Variants in ATP8B1 observed in about 807,000 individuals in gnomAD.
ATP8B1 encodes ATPase phospholipid transporting 8B1, also known as phospholipid-transporting ATPase IC.
In ATP8B1, 80 loss-of-function variants were observed where a neutral mutation model predicts 149.9. The observed-to-expected ratio is 0.53, with a 90% CI of 0.45 to 0.64. ATP8B1 has a LOEUF of 0.64. ATP8B1 is among the 30% of genes least tolerant of loss of function. The pLI is 0.00. For missense variants in ATP8B1, 1,247 were observed against 1,552.6 expected (o/e 0.80, Z 3.31); for synonymous variants, 536 against 562.8 (o/e 0.95, Z 0.67).
chr18:57,731,196 CT>C (rs759678581), intron 2 of ATP8B1, among the ~76,000 whole-genome samples: 16 of 151,900 alleles, frequency 1.1e-4, no homozygotes, highest in Admixed American at 3.9e-4. Flanking sequence ...AGTCCAGCTA[CT>C]CAGGAGGCTG....
At chr18:57,698,325 T>A (rs1292080920) in intron 6 of ATP8B1, among the ~76,000 whole-genome samples, 1 of 151,296 alleles carries the variant, frequency 6.6e-6, no homozygotes, top group South Asian at 2.1e-4. Context: ...CTGTTTAAAT[T>A]ATCTTTATTA....
chr18:57,759,012 C>T (rs1161500557), intron 1 of ATP8B1, among the ~76,000 whole-genome samples: 5 of 151,828 alleles, frequency 3.3e-5, no homozygotes, highest in East Asian at 1.9e-4. Context: ...AAAAATTATC[C>T]GGGCGTGGTG....
chr18:57,667,255 C>A, intron 19 of ATP8B1, 88 bp from the exon 20 acceptor site: 1 of 1,074,080 alleles, frequency 9.3e-7, no homozygotes, highest in Non-Finnish European at 1.4e-6. Flanking sequence ...CTCACTCCCA[C>A]TGCCTAGGCT....
chr18:57,700,940 C>CTAA (rs1234105867), intron 6 of ATP8B1, 99 bp downstream of exon 6: 11 of 1,261,010 alleles, frequency 8.7e-6, no homozygotes, highest in Admixed American at 5.1e-5. Context: ...AGTTAATGTA[C>CTAA]TAATAGCCTT....
intron 22 of ATP8B1, among the ~76,000 whole-genome samples, 168 bp from the exon 23 acceptor site, chr18:57,655,585 C>G (rs1317912096): frequency 1.3e-5 from 2 of 152,234 alleles, no homozygotes; most frequent in African/African-American, 4.8e-5. Flanking sequence ...TTGAACTCAA[C>G]TCAAAGTCTG....
chr18:57,747,839 T>C (rs2079978592), intron 1 of ATP8B1, among the ~76,000 whole-genome samples: 1 of 152,240 alleles, frequency 6.6e-6, no homozygotes, highest in Non-Finnish European at 1.5e-5. Context: ...CAAGTCAGCT[T>C]AGAGTACTCA....
chr18:57,661,484 AG>A, intron 21 of ATP8B1, 22 bp from the exon 22 acceptor site: 1 of 1,612,042 alleles, frequency 6.2e-7, no homozygotes. Context: ...GAGAGGGAAA[AG>A]GTTACATTCA....
chr18:57,719,834 T>C (rs2079623767), intron 2 of ATP8B1, among the ~76,000 whole-genome samples: 1 of 152,204 alleles, frequency 6.6e-6, no homozygotes, highest in Non-Finnish European at 1.5e-5. Context: ...CTCTGCAGAC[T>C]TAAATGTCCC....
Position 57,702,576 on chromosome 18 carries a change from C to T in ATP8B1, c.394-1263G>A, listed in dbSNP as rs1351120620. 2.0e-5 allele frequency among the ~76,000 whole-genome samples: 3 copies of T among 152,046 alleles called. 1 individual carries two copies. In the South Asian group the frequency reaches 6.2e-4, roughly 31 times the overall value. On this transcript the variant is annotated intron_variant, in intron 4 of 27. Transcript: ENST00000648908. The stretch of plus-strand genomic sequence containing the variant: ...TGCTGACCTTAAGAGAAGATAACTG[C>T]GCCAGGCACGGTAGCTCATGCTTGT...
At chr18:57,732,847 G>A (rs2079802465) in intron 1 of ATP8B1, among the ~76,000 whole-genome samples, 2 of 152,228 alleles carry the variant, frequency 1.3e-5, no homozygotes. Context: ...ACAGGCCCGC[G>A]CCCGGCCGGA....
intron 1 of ATP8B1, among the ~76,000 whole-genome samples, chr18:57,781,233 G>A (rs1188559890): frequency 6.6e-6 from 1 of 152,228 alleles, no homozygotes; most frequent in Admixed American, 6.5e-5. Flanking sequence ...ATACTCAGAA[G>A]TTGGGACTGA....
In ATP8B1 at chr18:57,648,370, T is replaced by C; in HGVS notation, c.*118A>G. ...CCAAGGAGTTTGTTATAAAGATTAT[T>C]TATTGTCTTCAATATCTTTGTGATG... On this transcript the variant is annotated 3_prime_UTR_variant, in exon 28 of 28. Coordinates refer to ENST00000648908, the MANE Select transcript of ATP8B1 (RefSeq NM_001374385.1). 1 of 1,171,586 alleles carries C rather than the reference T, an allele frequency of 8.5e-7. No homozygotes were observed. The highest frequency in any genetic ancestry group is 1.3e-5 in the South Asian group (1 of 78,222). 72.6% of individuals were successfully genotyped at this position (1,171,586 alleles called of 1,614,324 possible).
chr18:57,789,422 C>T (rs2080440084), intron 1 of ATP8B1, among the ~76,000 whole-genome samples: 1 of 152,054 alleles, frequency 6.6e-6, no homozygotes, highest in African/African-American at 2.4e-5. Context: ...CAAAAAGAGA[C>T]CAGGAAATTA....
chr18:57,648,851 CTTGTGT>C (rs1406332812), intron 27 of ATP8B1, 139 bp from the exon 28 acceptor site: 26 of 521,566 alleles, frequency 5.0e-5, no homozygotes, highest in Middle Eastern at 9.8e-4. Context: ...TCTGTCCCCA[CTTGTGT>C]GTGTGTGTGT....
chr18:57,718,045 C>T (rs746928730), intron 2 of ATP8B1, among the ~76,000 whole-genome samples: 22 of 132,664 alleles, frequency 1.7e-4, no homozygotes, highest in Non-Finnish European at 3.3e-4. Context: ...TGTGCCTGGC[C>T]AAGAAGTTAG....
At chr18:57,774,426 C>T (rs569087912) in intron 1 of ATP8B1, among the ~76,000 whole-genome samples, 3 of 152,250 alleles carry the variant, frequency 2.0e-5, no homozygotes, top group South Asian at 2.1e-4. Flanking sequence ...GGCGAAGCCC[C>T]GTCTCTACAA....
intron 1 of ATP8B1, among the ~76,000 whole-genome samples, chr18:57,787,510 C>T (rs1006682797): frequency 1.6e-4 from 25 of 151,696 alleles, no homozygotes; most frequent in South Asian, 4.2e-4. Context: ...TAGAACAATG[C>T]GGGTGGAGCT....
intron 16 of ATP8B1, among the ~76,000 whole-genome samples, chr18:57,672,126 T>A (rs1911246623): frequency 6.6e-6 from 1 of 152,208 alleles, no homozygotes; most frequent in Non-Finnish European, 1.5e-5. Flanking sequence ...TTTTATAACC[T>A]CAGTTATTCT....
intron 1 of ATP8B1, among the ~76,000 whole-genome samples, chr18:57,801,150 A>G (rs2123481096): frequency 6.6e-6 from 1 of 152,352 alleles, no homozygotes; most frequent in South Asian, 2.1e-4. Flanking sequence ...GAAAACTTGA[A>G]AGCAGCCAGA....
Sources: gnomAD v4.1 joint callset for allele counts (sites outside exome capture counted in the v4.1 genomes callset) on GRCh38, gnomAD v4.1.1 for gene constraint, MANE v1.5 for transcripts, NCBI Gene and HGNC (gene_info 2026-07-23, HGNC 2026-07-21) for gene names.